RBM45: variants seen among roughly 807,000 people sequenced by gnomAD.
RBM45 encodes RNA binding motif protein 45, also known as RNA-binding protein 45.
In RBM45, 39 loss-of-function variants were observed where a neutral mutation model predicts 58.5. The observed-to-expected ratio is 0.67, with a 90% confidence interval of 0.52 to 0.87. The LOEUF is 0.87. Among genes scored for constraint, RBM45 ranks in the 40% least tolerant of loss-of-function variants. The pLI is 0.00. For missense variants in RBM45, 481 were observed against 581.6 expected, an observed-to-expected ratio of 0.83 and a Z score of 1.78; for synonymous variants, 193 against 203.0, an observed-to-expected ratio of 0.95 and a Z score of 0.42.
downstream of RBM45, among the ~76,000 whole-genome samples, chr2:178,132,957 C>T (rs1431940760): frequency 2.6e-5 from 4 of 152,170 alleles, no homozygotes; most frequent in African/African-American, 9.7e-5. Flanking sequence ...TGTAGGTATA[C>T]TGGTTCTGCA....
At chr2:178,118,361 T>C (rs961127039) in intron 3 of RBM45, among the ~76,000 whole-genome samples, 180 bp downstream of exon 3, 1 of 152,170 alleles carries the variant, frequency 6.6e-6, no homozygotes, top group Non-Finnish European at 1.5e-5. Flanking sequence ...TAAACATTCA[T>C]TGAGGCACTA....
chr2:178,124,854 G>T (rs1387246251), intron 8 of RBM45, among the ~76,000 whole-genome samples: 1 of 152,086 alleles, frequency 6.6e-6, no homozygotes, highest in Non-Finnish European at 1.5e-5. Flanking sequence ...TGTTTTGTTG[G>T]TGCATTGTAG....
downstream of RBM45, among the ~76,000 whole-genome samples, chr2:178,129,862 C>T (rs2087987666): frequency 6.6e-6 from 1 of 152,056 alleles, no homozygotes; most frequent in Non-Finnish European, 1.5e-5. Flanking sequence ...TGAAAAGGTG[C>T]TTTTTTCAAT....
downstream of RBM45, among the ~76,000 whole-genome samples, chr2:178,131,238 T>C (rs2088001919): frequency 6.6e-6 from 1 of 152,240 alleles, no homozygotes; most frequent in South Asian, 2.1e-4. Context: ...ATTAAATTGT[T>C]CCTTACAAGT....
At chr2:178,125,678 G>A in intron 8 of RBM45, 2 of 532,034 alleles carry the variant, frequency 3.8e-6, no homozygotes, top group South Asian at 3.1e-5. Flanking sequence ...GGGAGTAAAT[G>A]ATCATATTTA....
At chr2:178,128,285 C>G (rs956105810) in intron 9 of RBM45, among the ~76,000 whole-genome samples, 2 of 152,042 alleles carry the variant, frequency 1.3e-5, no homozygotes, top group African/African-American at 4.8e-5. Flanking sequence ...CAGGCATGAA[C>G]CACTGCGACT....
At chr2:178,113,973 T>G (rs367913978) in intron 1 of RBM45, among the ~76,000 whole-genome samples, 2 of 152,312 alleles carry the variant, frequency 1.3e-5, no homozygotes, top group East Asian at 3.9e-4. Flanking sequence ...AGCCTGGGAC[T>G]CTACCAACAA....
rs748613986 is a variant in RBM45, at chr2:178,123,817, A to AT, written c.984-5dup. On this transcript the variant is annotated splice_polypyrimidine_tract_variant and intron_variant, in intron 6 of 9. Coordinates refer to ENST00000286070, the MANE Select transcript of RBM45 (RefSeq NM_152945.4). ...TTTAGTTTTCTGTAAATTATCAGTTATTTTTTCCAGTCTCCTTAGAAAAAT... is the reference window on the plus strand; with the variant it reads ...TTTAGTTTTCTGTAAATTATCAGTTATTTTTTTCCAGTCTCCTTAGAAAAAT... 9.3e-6 allele frequency: 15 copies of AT among 1,608,630 alleles called. 1 individual carries two copies. The African/African-American group carries it at 1.1e-4, about 11-fold the overall frequency.
chr2:178,125,314 C>T (rs1277060451), intron 8 of RBM45, among the ~76,000 whole-genome samples: 1 of 152,088 alleles, frequency 6.6e-6, no homozygotes, highest in African/African-American at 2.4e-5. Flanking sequence ...ATGTAGGAAA[C>T]AGACAAGTAA....
At chr2:178,127,994 CTTTTTTT>C (rs3067447) in intron 9 of RBM45, among the ~76,000 whole-genome samples, 1 of 72,514 alleles carries the variant, frequency 1.4e-5, no homozygotes, top group Non-Finnish European at 2.4e-5. Flanking sequence ...TCTCTACGCC[CTTTTTTT>C]TTTTTTTTTT....
At position 178,121,230 on chromosome 2, in the gene RBM45, G is replaced by A; in HGVS notation, c.724G>A (p.Glu242Lys). 6.3e-7 allele frequency: 1 copy of A among 1,583,738 alleles called. No individual in the cohort carries two copies. Among genetic ancestry groups the A allele is most frequent in the Middle Eastern group, 1.7e-4 (1 of 5,976 alleles). ...SFDKNDSRGQ[E>K]AISKRLSVVS... ...TGACAAGAATGATAGCCGAGGCCAG[G>A]AAGCAATCTCCAAACGCTTGTCAGT... The change falls in exon 5 of 10, where the codon GAA (glutamate) becomes AAA (lysine). Residue 242 changes from glutamate (E) to lysine (K), a missense_variant. Glu to Lys is a moderately conservative substitution (Grantham distance 56, BLOSUM62 1). Transcript: ENST00000286070.
At chr2:178,116,855 C>G (rs1055405810) in intron 2 of RBM45, among the ~76,000 whole-genome samples, 2 of 151,912 alleles carry the variant, frequency 1.3e-5, no homozygotes, top group African/African-American at 4.8e-5. Flanking sequence ...GTATTGAGAA[C>G]GGGCCTATGG....
At chr2:178,120,950 A>T (rs1405242244) in intron 4 of RBM45, 1 of 351,452 alleles carries the variant, frequency 2.8e-6, no homozygotes, top group African/African-American at 2.1e-5. Context: ...TCTTTCTGTG[A>T]AATTAGACTA....
downstream of RBM45, among the ~76,000 whole-genome samples, chr2:178,130,525 T>C (rs924933716): frequency 2.0e-5 from 3 of 151,908 alleles, no homozygotes; most frequent in Non-Finnish European, 4.4e-5. Context: ...GTCTCAAAAA[T>C]AAAAACTAAA....
downstream of RBM45, among the ~76,000 whole-genome samples, chr2:178,133,125 CT>C (rs1394660621): frequency 6.6e-6 from 1 of 152,068 alleles, no homozygotes; most frequent in Non-Finnish European, 1.5e-5. Context: ...GTCTTTTTAC[CT>C]TGGGCATTTT....
intron 2 of RBM45, 27 bp downstream of exon 2, chr2:178,116,411 G>A (rs912614936): frequency 8.2e-6 from 13 of 1,591,292 alleles, no homozygotes; most frequent in East Asian, 2.2e-5. Context: ...GCTAGCATAT[G>A]TGATAACTCA....
At chr2:178,118,583 A>G (rs1361142207) in intron 3 of RBM45, among the ~76,000 whole-genome samples, 1 of 152,150 alleles carries the variant, frequency 6.6e-6, no homozygotes, top group African/African-American at 2.4e-5. Context: ...TAATAAACCT[A>G]TAGGTTAAGG....
chr2:178,125,040 G>A (rs1298726387), intron 8 of RBM45, among the ~76,000 whole-genome samples: 3 of 152,116 alleles, frequency 2.0e-5, no homozygotes, highest in Non-Finnish European at 4.4e-5. Flanking sequence ...TTACAAGAAT[G>A]TTAGTGAATT....
chr2:178,113,783 G>A (rs2087735156), intron 1 of RBM45, among the ~76,000 whole-genome samples: 2 of 152,148 alleles, frequency 1.3e-5, no homozygotes, highest in Non-Finnish European at 2.9e-5. Context: ...GCCTTCGTCT[G>A]CCCCATGTAA....
Sources: allele counts gnomAD v4.1 joint callset (sites outside exome capture counted in the v4.1 genomes callset), GRCh38; gene constraint gnomAD v4.1.1; transcripts MANE v1.5; gene names NCBI Gene and HGNC (gene_info 2026-07-23, HGNC 2026-07-21).